The following ADD3 variants were observed in gnomAD, a reference collection of about 807,000 sequenced individuals.
The protein encoded by ADD3 is gamma-adducin.
ADD3 carries 25 observed loss-of-function variants against 80.2 expected under a neutral mutation model. The observed-to-expected ratio is 0.31, with a 90% CI of 0.23 to 0.44. The LOEUF (loss-of-function observed/expected upper bound fraction) is 0.44. Ranked by LOEUF, ADD3 falls within the 20% of genes least tolerant of loss-of-function variation. ADD3 has a pLI of 1.00. For synonymous variants in ADD3, 284 were observed against 289.6 expected, an observed-to-expected ratio of 0.98 and a Z score of 0.20; for missense variants, 829 against 847.5, an observed-to-expected ratio of 0.98 and a Z score of 0.27.
rs1331210636 is a variant in ADD3, at chr10:110,008,276, A to C, written c.-53A>C. ...CTGCCGAGAAGGAGGGAGGGGAAAC[A>C]CAAAGCCGGCTACGCGCTGCGAGGT... On this transcript the variant is annotated 5_prime_UTR_variant, in exon 1 of 15. Coordinates refer to ENST00000356080, the MANE Select transcript of ADD3 (RefSeq NM_016824.5). The C allele has an allele frequency of 2.0e-5, 3 of 152,116 alleles. No homozygotes were observed. The highest frequency in any genetic ancestry group is 4.4e-5 in the Non-Finnish European group (3 of 68,046). 9.4% of individuals were successfully genotyped at this position (152,116 alleles called of 1,614,324 possible).
At chr10:110,099,750 C>A (rs1311880206) in intron 1 of ADD3, among the ~76,000 whole-genome samples, 1 of 152,172 alleles carries the variant, frequency 6.6e-6, no homozygotes, top group Non-Finnish European at 1.5e-5. Context: ...AACTAGAATT[C>A]TGTATATACA....
At chr10:110,090,704 C>T (rs1847393680) in intron 1 of ADD3, among the ~76,000 whole-genome samples, 1 of 152,220 alleles carries the variant, frequency 6.6e-6, no homozygotes, top group Non-Finnish European at 1.5e-5. Context: ...GAAACACCCT[C>T]TTAGCTGTGG....
intron 1 of ADD3, among the ~76,000 whole-genome samples, chr10:110,064,306 G>C (rs1328307909): frequency 6.6e-6 from 1 of 152,112 alleles, no homozygotes; most frequent in Admixed American, 6.5e-5. Context: ...TCCAACTTTT[G>C]CAGGTAAGGC....
intron 1 of ADD3, among the ~76,000 whole-genome samples, chr10:110,092,471 A>G (rs1481408603): frequency 6.6e-6 from 1 of 152,240 alleles, no homozygotes; most frequent in Non-Finnish European, 1.5e-5. Flanking sequence ...ACACAGGAAC[A>G]GAAAACCAAA....
upstream of ADD3, among the ~76,000 whole-genome samples, chr10:110,001,344 G>T (rs1851480592): frequency 6.7e-6 from 1 of 149,872 alleles, no homozygotes; most frequent in Non-Finnish European, 1.5e-5. Flanking sequence ...GAGCCCGGAA[G>T]ATTGAAGCTG....
At chr10:110,045,387 A>G (rs1222876811) in intron 1 of ADD3, among the ~76,000 whole-genome samples, 1 of 152,122 alleles carries the variant, frequency 6.6e-6, no homozygotes, top group South Asian at 2.1e-4. Flanking sequence ...ATGGTGAAAG[A>G]ATAGAATGGT....
intron 1 of ADD3, among the ~76,000 whole-genome samples, chr10:110,044,524 G>C (rs150102336): frequency 6.6e-6 from 1 of 152,210 alleles, no homozygotes; most frequent in South Asian, 2.1e-4. Flanking sequence ...CATAGGTGCT[G>C]CCTTCTGTAC....
chr10:110,125,734 A>T, intron 10 of ADD3, 92 bp from the exon 11 acceptor site: 2 of 896,746 alleles, frequency 2.2e-6, no homozygotes, highest in South Asian at 2.4e-5. Context: ...AACATTGGCA[A>T]TGCCCCTCTT....
At chr10:110,131,446 C>G (rs1184204290) in intron 13 of ADD3, among the ~76,000 whole-genome samples, 1 of 152,008 alleles carries the variant, frequency 6.6e-6, no homozygotes, top group Non-Finnish European at 1.5e-5. Context: ...AGCCTGTCAC[C>G]CAAAAAGAGG....
upstream of ADD3, among the ~76,000 whole-genome samples, chr10:110,001,087 CACA>C (rs1429406763): frequency 6.6e-6 from 1 of 152,112 alleles, no homozygotes; most frequent in East Asian, 1.9e-4. Context: ...ATTTAATCCT[CACA>C]ACAATGTCAA....
intron 1 of ADD3, among the ~76,000 whole-genome samples, chr10:110,087,006 C>T (rs563643483): frequency 6.6e-6 from 1 of 152,112 alleles, no homozygotes; most frequent in South Asian, 2.1e-4. Flanking sequence ...GAAACCCACT[C>T]GCTTTAGAAA....
intron 1 of ADD3, among the ~76,000 whole-genome samples, chr10:110,083,955 T>A (rs937718716): frequency 2.0e-5 from 3 of 152,216 alleles, no homozygotes; most frequent in African/African-American, 7.2e-5. Context: ...CTACTTAAGT[T>A]ACTAAGCTCC....
intron 8 of ADD3, 198 bp from the exon 9 acceptor site, chr10:110,121,912 G>A: frequency 2.2e-6 from 1 of 447,048 alleles, no homozygotes. Context: ...CAGAGTCTTG[G>A]AAGGTTTCTT....
chr10:110,072,439 A>C (rs569433994), intron 1 of ADD3, among the ~76,000 whole-genome samples: 3 of 152,172 alleles, frequency 2.0e-5, no homozygotes, highest in Non-Finnish European at 2.9e-5. Flanking sequence ...CTCAAGTTGC[A>C]CACTGTACGT....
intron 1 of ADD3, among the ~76,000 whole-genome samples, chr10:110,049,609 C>T (rs989612508): frequency 1.3e-5 from 2 of 152,120 alleles, no homozygotes; most frequent in African/African-American, 2.4e-5. Flanking sequence ...CTGCTCTGGC[C>T]AGGCGCGGTG....
At chr10:110,131,940 C>T (rs548795944) in intron 13 of ADD3, among the ~76,000 whole-genome samples, 5 of 152,166 alleles carry the variant, frequency 3.3e-5, no homozygotes, top group African/African-American at 9.7e-5. Flanking sequence ...AGCATTCTGC[C>T]TCATTAATGT....
At chr10:110,088,839 G>A (rs1411423735) in intron 1 of ADD3, among the ~76,000 whole-genome samples, 2 of 151,602 alleles carry the variant, frequency 1.3e-5, no homozygotes, top group African/African-American at 2.4e-5. Flanking sequence ...TTCCCCCACC[G>A]TGGCACGTCA....
chr10:110,026,674 G>A (rs1377767456), intron 1 of ADD3, among the ~76,000 whole-genome samples: 1 of 152,138 alleles, frequency 6.6e-6, no homozygotes, highest in African/African-American at 2.4e-5. Context: ...GTTTAAACTG[G>A]TTGGAGTCTG....
chr10:110,069,395 A>G (rs997637926), intron 1 of ADD3, among the ~76,000 whole-genome samples: 6 of 152,200 alleles, frequency 3.9e-5, no homozygotes, highest in South Asian at 2.1e-4. Context: ...GCAATTTAAC[A>G]TATCATCCCT....
Sources: allele counts gnomAD v4.1 joint callset (sites outside exome capture counted in the v4.1 genomes callset), GRCh38; gene constraint gnomAD v4.1.1; transcripts MANE v1.5; gene names NCBI Gene and HGNC (gene_info 2026-07-23, HGNC 2026-07-21).